The following DENND2C variants were observed in gnomAD, a reference collection of about 807,000 sequenced individuals.
The protein encoded by DENND2C is DENN domain containing 2C, also known as DENN domain-containing protein 2C.
Under a neutral mutation model 112.4 loss-of-function variants are expected in DENND2C, and 72 were observed. The ratio of observed to expected loss-of-function variants is 0.64; its 90% CI spans 0.53 to 0.78. DENND2C has a LOEUF of 0.78. Among genes scored for constraint, DENND2C ranks in the 30% least tolerant of loss-of-function variants. The probability of loss-of-function intolerance (pLI) is 0.00; values close to 1 mark genes in which losing one functional copy is unlikely to be tolerated. For missense variants in DENND2C, 992 were observed against 1,113.8 expected, an observed-to-expected ratio of 0.89 and a Z score of 1.56; for synonymous variants, 329 against 381.6, an observed-to-expected ratio of 0.86 and a Z score of 1.61.
At chr1:114,600,380 A>C (rs1457805714) in intron 14 of DENND2C, 28 bp from the exon 15 acceptor site, 1 of 1,612,832 alleles carries the variant, frequency 6.2e-7, no homozygotes, top group African/African-American at 1.3e-5. Flanking sequence ...GAATCAGGTG[A>C]GCTAATGTTG....
intron 2 of DENND2C, among the ~76,000 whole-genome samples, chr1:114,649,844 C>T (rs1019073192): frequency 6.6e-6 from 1 of 152,156 alleles, no homozygotes; most frequent in Non-Finnish European, 1.5e-5. Flanking sequence ...AGTAATACTA[C>T]TACTTTTCAG....
chr1:114,639,452 G>A (rs1404431296), intron 3 of DENND2C, among the ~76,000 whole-genome samples: 1 of 151,754 alleles, frequency 6.6e-6, no homozygotes, highest in Non-Finnish European at 1.5e-5. Flanking sequence ...GGTGGTGGGT[G>A]CCTGTAATAA....
chr1:114,625,513 G>T lies in DENND2C; in HGVS notation c.472C>A (p.Pro158Thr), dbSNP rs778034515. 6.2e-7 allele frequency: 1 copy of T among 1,614,006 alleles called. No individual in the cohort carries two copies. The highest frequency in any genetic ancestry group is 8.5e-7 in the Non-Finnish European group (1 of 1,179,982). The change falls in exon 4 of 21, where the codon CCA becomes ACA. Residue 158 changes from proline to threonine, a missense_variant. By Grantham distance (38) the Pro-to-Thr change is conservative. Coordinates refer to ENST00000393274, the MANE Select transcript of DENND2C (RefSeq NM_001256404.2). ...ILWKKIEALPPDKLLNLALEH... is the reference protein window; with the variant it reads ...ILWKKIEALPTDKLLNLALEH... ...AAAGCCAAATTTAAGAGTTTATCTG[G>T]GGGAAGTGCTTCTATTTTCTTCCAC...
intron 18 of DENND2C, among the ~76,000 whole-genome samples, chr1:114,591,659 T>C (rs939295231): frequency 6.6e-6 from 1 of 152,092 alleles, no homozygotes; most frequent in Non-Finnish European, 1.5e-5. Context: ...TTATGGTCTC[T>C]GCTCTTTGTG....
intron 1 of DENND2C, among the ~76,000 whole-genome samples, chr1:114,665,890 A>G (rs1047802840): frequency 2.0e-5 from 3 of 152,180 alleles, no homozygotes; most frequent in African/African-American, 4.8e-5. Context: ...TACGGCTTCA[A>G]TTAACACTTA....
At position 114,590,489 on chromosome 1, in the gene DENND2C, T is replaced by C. The variant is rs928696467; in HGVS notation, c.2432-2537A>G. Among the ~76,000 whole-genome samples the C allele has an allele frequency of 3.9e-5, 6 of 152,250 alleles. No homozygotes were observed. In the South Asian group the frequency reaches 8.3e-4, roughly 21 times the overall value. ...ACATATAATGGCACTATAAAAATTA[T>C]TGAACTTGGCCGGGCGCGGTGGCTC... On this transcript the variant is annotated intron_variant, in intron 18 of 20. Coordinates refer to ENST00000393274, the MANE Select transcript of DENND2C (RefSeq NM_001256404.2).
rs1276844678 is a variant in DENND2C, at chr1:114,625,993, C to A, written c.-9G>T. On this transcript the variant is annotated 5_prime_UTR_variant, in exon 4 of 21. Coordinates refer to ENST00000393274, the MANE Select transcript of DENND2C (RefSeq NM_001256404.2). The stretch of plus-strand genomic sequence containing the variant: ...GAAAAACCAACATCCATGTTCCCAA[C>A]TGGGTGAATGACAAGTGATGAATCT... 2.5e-6 allele frequency: 4 copies of A among 1,598,226 alleles called. No individual in the cohort carries two copies. The highest frequency in any genetic ancestry group is 3.4e-6 in the Non-Finnish European group (4 of 1,171,796).
chr1:114,625,675 C>G lies in DENND2C; in HGVS notation c.310G>C (p.Asp104His). 1 of 1,614,018 alleles carries G rather than the reference C, an allele frequency of 6.2e-7. No homozygotes were observed. Among genetic ancestry groups the G allele is most frequent in the Non-Finnish European group, 8.5e-7 (1 of 1,180,002 alleles). ...GATTCATTTTTAAAGAAGTGTGTAT[C>G]GTCATATTCATGTTTCTTATTTTCA... ...ENENKKHEYDDTHFFKNESES... is the reference protein window; with the variant it reads ...ENENKKHEYDHTHFFKNESES... The change falls in exon 4 of 21, where the codon GAT becomes CAT. Residue 104 changes from aspartate to histidine, a missense_variant. Asp to His is a moderately conservative substitution (Grantham distance 81, BLOSUM62 -1). Transcript: ENST00000393274.
intron 5 of DENND2C, 136 bp downstream of exon 5, chr1:114,623,371 C>G: frequency 1.2e-6 from 1 of 821,014 alleles, no homozygotes; most frequent in African/African-American, 1.8e-5. Context: ...ATAATTTATA[C>G]ACCAAACGTT....
At chr1:114,614,627 T>C (rs995923369) in intron 8 of DENND2C, among the ~76,000 whole-genome samples, 2 of 152,136 alleles carry the variant, frequency 1.3e-5, no homozygotes, top group African/African-American at 4.8e-5. Flanking sequence ...AATTTTTGGC[T>C]CTTCAAAAAC....
At chr1:114,599,957 G>C (rs1217737593) in intron 15 of DENND2C, among the ~76,000 whole-genome samples, 13 of 151,382 alleles carry the variant, frequency 8.6e-5, no homozygotes, top group Non-Finnish European at 1.6e-4. Context: ...TCACACACCG[G>C]GGCCTGTCGT....
chr1:114,661,595 C>A (rs1657492913), intron 1 of DENND2C, among the ~76,000 whole-genome samples: 1 of 152,162 alleles, frequency 6.6e-6, no homozygotes, highest in African/African-American at 2.4e-5. Context: ...TCATTTGCAA[C>A]ATTATATGAA....
chr1:114,620,241 C>G (rs1007649697), intron 7 of DENND2C, among the ~76,000 whole-genome samples: 11 of 152,272 alleles, frequency 7.2e-5, no homozygotes, highest in African/African-American at 2.4e-4. Context: ...CAAGGAGGGT[C>G]ACAGGTAGAA....
chr1:114,632,697 T>C (rs1005660158), intron 3 of DENND2C, among the ~76,000 whole-genome samples: 4 of 152,224 alleles, frequency 2.6e-5, no homozygotes, highest in African/African-American at 9.6e-5. Context: ...CATAAAGTTT[T>C]TTCTTTTCTT....
intron 16 of DENND2C, among the ~76,000 whole-genome samples, chr1:114,597,813 C>A (rs535497405): frequency 6.6e-6 from 1 of 152,098 alleles, no homozygotes; most frequent in East Asian, 1.9e-4. Flanking sequence ...AGAGAGTAAA[C>A]AATGTAGTGG....
chr1:114,611,136 T>G lies in DENND2C; in HGVS notation c.1325-19A>C, dbSNP rs1190178256. The G allele has an allele frequency of 1.2e-6, 2 of 1,613,508 alleles. No homozygotes were observed. Among genetic ancestry groups the G allele is most frequent in the Non-Finnish European group, 1.7e-6 (2 of 1,179,868 alleles). ...GTTTCACCTGAAAAGAGAGAAGGAG[T>G]TTCCATTTGTATTGTCCAACAGTAG... is the stretch of plus-strand genomic sequence containing the variant. On this transcript the variant is annotated intron_variant, in intron 8 of 20. Transcript: ENST00000393274.
rs1309537450 is a variant in DENND2C at position 114,585,227 on chromosome 1, C to T, written c.*373G>A. ...TGTCTCTCTACTACCTTAAACTCAG[C>T]ATTTCTCTCATTATTCTCATCTTTG... On this transcript the variant is annotated 3_prime_UTR_variant, in exon 21 of 21. Transcript: ENST00000393274. 3 of 230,878 alleles carry T rather than the reference C, an allele frequency of 1.3e-5. No individual in the cohort carries two copies. Among genetic ancestry groups the T allele is most frequent in the Non-Finnish European group, 2.6e-5 (3 of 115,750 alleles). The allele number at this position is 230,878 out of a possible 1,614,324, so 14.3% of individuals were successfully genotyped here.
chr1:114,623,481 T>C, intron 5 of DENND2C, 26 bp downstream of exon 5: 1 of 1,592,804 alleles, frequency 6.3e-7, no homozygotes, highest in South Asian at 1.1e-5. Flanking sequence ...ATCACTAAAT[T>C]TAACTGCAAA....
At chr1:114,618,074 G>A (rs1419598256) in intron 8 of DENND2C, among the ~76,000 whole-genome samples, 3 of 151,466 alleles carry the variant, frequency 2.0e-5, no homozygotes, top group African/African-American at 7.3e-5. Flanking sequence ...CTGCAAGCTC[G>A]GCCTCCCGGG....
Sources: gnomAD v4.1 joint callset for allele counts (sites outside exome capture counted in the v4.1 genomes callset) on GRCh38, gnomAD v4.1.1 for gene constraint, MANE v1.5 for transcripts, NCBI Gene and HGNC (gene_info 2026-07-23, HGNC 2026-07-21) for gene names.